CHRNB1: variants seen among roughly 807,000 people sequenced by gnomAD.
The protein encoded by CHRNB1 is acetylcholine receptor subunit beta.
Under a neutral mutation model 53.8 loss-of-function variants are expected in CHRNB1, and 47 were observed. The ratio of observed to expected loss-of-function variants is 0.87; its 90% confidence interval spans 0.69 to 1.11. The LOEUF is 1.11. Ranked by LOEUF, CHRNB1 falls within the 50% of genes most tolerant of loss-of-function variation. The probability of loss-of-function intolerance (pLI) is 0.00; values close to 1 mark genes in which losing one functional copy is unlikely to be tolerated. For missense variants in CHRNB1, 605 were observed against 654.9 expected (o/e 0.92, Z 0.83); for synonymous variants, 259 against 263.5 (o/e 0.98, Z 0.16).
chr17:7,447,013 C>G (rs1289381600), intron 4 of CHRNB1, 30 bp from the exon 5 acceptor site: 1 of 1,611,748 alleles, frequency 6.2e-7, no homozygotes, highest in South Asian at 1.1e-5. Context: ...GGCGCGGGGC[C>G]TGATCCCTGA....
chr17:7,447,126 T>A lies in CHRNB1; in HGVS notation c.437T>A (p.Ile146Asn). Residue 146 changes from isoleucine to asparagine, a missense_variant, in exon 5 of 11, where the codon ATC becomes AAC. Transcript: ENST00000306071. ...TCCGTGCGTTGGCAACCCCCGGGCATCTATCGCAGCAGCTGCAGCATCCAG... is the reference window on the plus strand; with the variant it reads ...TCCGTGCGTTGGCAACCCCCGGGCAACTATCGCAGCAGCTGCAGCATCCAG... ...DGSVRWQPPG[I>N]YRSSCSIQVT... 6.2e-7 allele frequency: 1 copy of A among 1,614,072 alleles called. No homozygotes were observed. Among genetic ancestry groups the A allele is most frequent in the Non-Finnish European group, 8.5e-7 (1 of 1,179,984 alleles).
Position 7,455,365 on chromosome 17 carries a change from T to C in CHRNB1, c.1126T>C (p.Cys376Arg), listed in dbSNP as rs150290595. The part of the protein sequence containing the change: ...ERDLMPEPPH[C>R]SSPGSGWGRG... ...AGACCTGATGCCGGAGCCCCCTCAC[T>C]GTTCTTCTCCAGGAAGTGGCTGGGG... The change falls in exon 9 of 11, where the codon TGT (cysteine) becomes CGT (arginine). Residue 376 changes from cysteine (C) to arginine (R), a missense_variant. Transcript: ENST00000306071. 4.7e-5 allele frequency: 76 copies of C among 1,614,046 alleles called. No homozygotes were observed. The African/African-American group carries it at 9.7e-4, about 21-fold the overall frequency.
chr17:7,456,149 G>A (rs2069948990), intron 10 of CHRNB1, among the ~76,000 whole-genome samples: 1 of 147,548 alleles, frequency 6.8e-6, no homozygotes, highest in African/African-American at 2.5e-5. Context: ...CCGCCTACGG[G>A]TTCAAGCGAT....
Position 7,456,965 on chromosome 17 carries a change from AG to A in CHRNB1, c.*244del. ...GAAGCTCTTTTGGGTATCAACACCT[AG>A]GTCGCCAGTGAAATAGAACACAGAA... On this transcript the variant is annotated 3_prime_UTR_variant, in exon 11 of 11. Transcript: ENST00000306071. 1.8e-6 allele frequency: 1 copy of A among 552,920 alleles called. No individual in the cohort carries two copies. The highest frequency in any genetic ancestry group is 2.0e-5 in the South Asian group (1 of 49,048). The allele number at this position is 552,920 out of a possible 1,614,324, so 34.3% of individuals were successfully genotyped here.
chr17:7,454,238 G>C lies in CHRNB1; in HGVS notation c.821-59G>C, dbSNP rs188543727. Reference sequence around the variant, plus strand: ...GCCTGGAAACATGGTCACTGATTATGCCATAGAGCTTTCCTTCAGGCAAGT... The same window carrying C: ...GCCTGGAAACATGGTCACTGATTATCCCATAGAGCTTTCCTTCAGGCAAGT... On this transcript the variant is annotated intron_variant, in intron 7 of 10. Transcript: ENST00000306071. 7 of 1,354,788 alleles carry C rather than the reference G, an allele frequency of 5.2e-6. No individual in the cohort carries two copies. In the African/African-American group the frequency reaches 1.0e-4, roughly 19 times the overall value. 83.9% of individuals were successfully genotyped at this position (1,354,788 alleles called of 1,614,324 possible). A position where few individuals can be genotyped will look rare whatever the true frequency, so the allele number is the denominator to read the frequency against.
chr17:7,450,862 T>G (rs1372093548), intron 7 of CHRNB1, among the ~76,000 whole-genome samples: 1 of 152,218 alleles, frequency 6.6e-6, no homozygotes, highest in Non-Finnish European at 1.5e-5. Context: ...ATTCAAAACA[T>G]GCTTTCCTCC....
At chr17:7,453,429 C>T (rs1295258382) in intron 7 of CHRNB1, among the ~76,000 whole-genome samples, 1 of 152,036 alleles carries the variant, frequency 6.6e-6, no homozygotes, top group Non-Finnish European at 1.5e-5. Context: ...CAGTTTTGGA[C>T]ATGTTAAGCT....
In CHRNB1 at chr17:7,445,323, TATG is replaced by T. The variant is rs777431654; in HGVS notation, c.115_117del (p.Asp39del). 1.2e-5 allele frequency: 19 copies of T among 1,613,184 alleles called. No individual in the cohort carries two copies. In the South Asian group the frequency reaches 1.8e-4, roughly 15 times the overall value. Reference sequence around the variant, plus strand: ...ACTCCGGGAGAAACTTTTCTCTGGCTATGATAGCTCCGTGCGGCCAGCGCGGGA... The same window carrying T: ...ACTCCGGGAGAAACTTTTCTCTGGCTATAGCTCCGTGCGGCCAGCGCGGGA... On this transcript the variant is annotated inframe_deletion, in exon 2 of 11. Coordinates refer to ENST00000306071, the MANE Select transcript of CHRNB1 (RefSeq NM_000747.3). The surrounding 1 kb of genome is among the most constrained non-coding windows in gnomAD (Gnocchi z 5.7).
intron 3 of CHRNB1, 33 bp from the exon 4 acceptor site, chr17:7,446,800 C>G: frequency 6.4e-7 from 1 of 1,574,750 alleles, no homozygotes. Flanking sequence ...CGGCCTCCAA[C>G]CCGGGGCAGC....
chr17:7,446,210 T>C (rs1486616226), intron 3 of CHRNB1, 97 bp downstream of exon 3: 3 of 1,058,450 alleles, frequency 2.8e-6, no homozygotes, highest in African/African-American at 1.6e-5. Context: ...ATCATGACTT[T>C]AGATAACACG....
Position 7,454,531 on chromosome 17 carries a change from T to C in CHRNB1, c.1044+11T>C. 2 of 1,610,148 alleles carry C rather than the reference T, an allele frequency of 1.2e-6. No individual in the cohort carries two copies. The highest frequency in any genetic ancestry group is 1.7e-6 in the Non-Finnish European group (2 of 1,176,512). On this transcript the variant is annotated intron_variant, in intron 8 of 10. Transcript: ENST00000306071. ...CTTTGGGTCCGTCAGGTAAGAAAGA[T>C]CTCCTCCTCCAACCCCAATTTTCCT... is the stretch of plus-strand genomic sequence containing the variant.
chr17:7,447,790 G>A, intron 6 of CHRNB1, 140 bp downstream of exon 6: 1 of 1,068,734 alleles, frequency 9.4e-7, no homozygotes, highest in East Asian at 2.5e-5. Context: ...TTAAAAGTAT[G>A]GAAATTGCCG....
rs145674333 is a variant in CHRNB1 at position 7,448,609 on chromosome 17, C to A, written c.641C>A (p.Pro214His). The A allele has an allele frequency of 6.2e-7, 1 of 1,614,132 alleles. No individual in the cohort carries two copies. The highest frequency in any genetic ancestry group is 2.2e-5 in the East Asian group (1 of 44,878). ...ENGQWEIIHK[P>H]SRLIQPPGDP... is the part of the protein sequence containing the mutation. ...GGCCAGTGGGAGATTATCCACAAGC[C>A]CTCTCGGCTAATCCAGCCTCCAGGC... The change falls in exon 7 of 11, where the codon CCC (proline) becomes CAC (histidine). Residue 214 changes from proline (P) to histidine (H), a missense_variant. Coordinates refer to ENST00000306071, the MANE Select transcript of CHRNB1 (RefSeq NM_000747.3).
intron 3 of CHRNB1, chr17:7,446,585 G>T: frequency 1.7e-6 from 1 of 577,750 alleles, no homozygotes; most frequent in East Asian, 2.9e-5. Flanking sequence ...CCGTTTTAGA[G>T]GCTAGCTACT....
At chr17:7,446,303 T>TTTTGTG in intron 3 of CHRNB1, 190 bp downstream of exon 3, 1 of 477,612 alleles carries the variant, frequency 2.1e-6, no homozygotes, top group Non-Finnish European at 3.7e-6. Context: ...AATTCCAATT[T>TTTTGTG]TGTGTGTGTG....
At chr17:7,456,037 GTTTTTTTTTGGCTTTTTTTTT>G in intron 10 of CHRNB1, 96 bp downstream of exon 10, 1 of 775,700 alleles carries the variant, frequency 1.3e-6, no homozygotes. Context: ...TTTTTGTGTG[GTTTTTTTTTGGCTTTTTTTTT>G]TTTTTTTTTT....
At chr17:7,454,011 T>C (rs998021253) in intron 7 of CHRNB1, among the ~76,000 whole-genome samples, 9 of 152,052 alleles carry the variant, frequency 5.9e-5, no homozygotes, top group Admixed American at 2.0e-4. Context: ...CAATGAGCCA[T>C]TATCATGCCA....
intron 3 of CHRNB1, chr17:7,446,380 TCTCA>T (rs1420502931): frequency 7.1e-6 from 4 of 563,962 alleles, no homozygotes; most frequent in Non-Finnish European, 9.5e-6. Flanking sequence ...TGTGATGCGG[TCTCA>T]CTATGTTGCA....
In CHRNB1 at chr17:7,445,081, G is replaced by A. The variant is rs1253890140; in HGVS notation, c.-47G>A. On this transcript the variant is annotated 5_prime_UTR_variant, in exon 1 of 11. Coordinates refer to ENST00000306071, the MANE Select transcript of CHRNB1 (RefSeq NM_000747.3). This position sits in a 1 kb window ranked among gnomAD's most constrained non-coding sequence, Gnocchi z 5.7. ...TCCTCGTCACTTCCCCTGTGCTGGCGGTCCCAGCGGCTCTCTGAGCGAAGT... is the reference window on the plus strand; with the variant it reads ...TCCTCGTCACTTCCCCTGTGCTGGCAGTCCCAGCGGCTCTCTGAGCGAAGT... 6.3e-7 allele frequency: 1 copy of A among 1,587,274 alleles called. No individual in the cohort carries two copies. The highest frequency in any genetic ancestry group is 8.5e-7 in the Non-Finnish European group (1 of 1,170,406).
Sources: allele counts gnomAD v4.1 joint callset (sites outside exome capture counted in the v4.1 genomes callset), GRCh38; gene constraint gnomAD v4.1.1; non-coding constraint Gnocchi (gnomAD v3.1); transcripts MANE v1.5; gene names NCBI Gene and HGNC (gene_info 2026-07-23, HGNC 2026-07-21).